SLC6A4: variants seen among roughly 807,000 people sequenced by gnomAD.
The protein encoded by SLC6A4 is solute carrier family 6 member 4.
A neutral mutation model predicts 73.4 loss-of-function variants in SLC6A4; 22 were observed. That is an observed-to-expected ratio of 0.30 (90% CI 0.21 to 0.43). The LOEUF is 0.43. Among genes scored for constraint, SLC6A4 ranks in the 20% least tolerant of loss-of-function variants. The pLI, the probability that SLC6A4 is intolerant of heterozygous loss-of-function variation, is 1.00. For missense variants in SLC6A4, 593 were observed against 808.5 expected (o/e 0.73, Z 3.23); for synonymous variants, 270 against 315.5 (o/e 0.86, Z 1.53).
intron 1 of SLC6A4, among the ~76,000 whole-genome samples, chr17:30,231,409 CTGTA>C (rs1363196806): frequency 2.0e-5 from 3 of 150,886 alleles, no homozygotes; most frequent in South Asian, 2.1e-4. Context: ...CATATATACA[CTGTA>C]TGTATCTGTA....
chr17:30,226,571 G>A (rs1209754266), intron 1 of SLC6A4, among the ~76,000 whole-genome samples: 4 of 152,124 alleles, frequency 2.6e-5, no homozygotes, highest in Non-Finnish European at 4.4e-5. Context: ...GTGGTGGCGG[G>A]TGCCTGTAAT....
intron 1 of SLC6A4, among the ~76,000 whole-genome samples, chr17:30,234,338 T>C (rs1907205413): frequency 6.6e-6 from 1 of 152,102 alleles, no homozygotes; most frequent in Non-Finnish European, 1.5e-5. Context: ...ATCTGTTCTT[T>C]AGTGGGAAAA....
chr17:30,206,712 C>CTTTTTTTT (rs1056871791), intron 13 of SLC6A4, among the ~76,000 whole-genome samples: 17 of 80,290 alleles, frequency 2.1e-4, no homozygotes, highest in African/African-American at 2.6e-4. Flanking sequence ...CTTTTCTTTT[C>CTTTTTTTT]TTTTTTTTTT....
At chr17:30,216,304 G>A (rs1264023662) in intron 6 of SLC6A4, 88 bp from the exon 7 acceptor site, 4 of 288,956 alleles carry the variant, frequency 1.4e-5, no homozygotes, top group Admixed American at 4.8e-5. Context: ...GGAGGGGAGG[G>A]GAGGGGAGGG....
chr17:30,215,961 A>G (rs1482072953), intron 7 of SLC6A4, 121 bp downstream of exon 7: 3 of 897,392 alleles, frequency 3.3e-6, no homozygotes, highest in Non-Finnish European at 5.3e-6. Context: ...TGGTTAAAGT[A>G]TCATTGCAGA....
At chr17:30,222,784 A>G in intron 2 of SLC6A4, 35 bp downstream of exon 2, 1 of 1,304,332 alleles carries the variant, frequency 7.7e-7, no homozygotes, top group Non-Finnish European at 1.0e-6. Flanking sequence ...TGCATTTGCA[A>G]GCCCGACTGG....
At chr17:30,212,675 T>C in intron 9 of SLC6A4, 65 bp downstream of exon 9, 1 of 1,553,942 alleles carries the variant, frequency 6.4e-7, no homozygotes, top group South Asian at 1.1e-5. Context: ...GTTAGATCTT[T>C]ACAAAGATTC....
At chr17:30,208,732 T>C (rs1906287939) in intron 12 of SLC6A4, among the ~76,000 whole-genome samples, 1 of 152,190 alleles carries the variant, frequency 6.6e-6, no homozygotes, top group African/African-American at 2.4e-5. Context: ...CACTCTGTTG[T>C]CCAGACTGGA....
At chr17:30,227,399 A>G (rs530045791) in intron 1 of SLC6A4, among the ~76,000 whole-genome samples, 1 of 152,202 alleles carries the variant, frequency 6.6e-6, no homozygotes, top group African/African-American at 2.4e-5. Context: ...CCACTATCAC[A>G]GCCATCTCCT....
chr17:30,234,484 C>T (rs759474591), intron 1 of SLC6A4, among the ~76,000 whole-genome samples: 4 of 152,174 alleles, frequency 2.6e-5, no homozygotes, highest in Non-Finnish European at 5.9e-5. Context: ...GGCAGGAAAA[C>T]CCGAACCCTG....
chr17:30,220,261 A>G (rs1428738222), intron 3 of SLC6A4, among the ~76,000 whole-genome samples: 1 of 152,202 alleles, frequency 6.6e-6, no homozygotes, highest in Non-Finnish European at 1.5e-5. Flanking sequence ...ATCTGTTGTC[A>G]GAGTTCCCAT....
chr17:30,213,304 T>TTC (rs1432171805), intron 8 of SLC6A4, among the ~76,000 whole-genome samples: 9 of 144,404 alleles, frequency 6.2e-5, no homozygotes, highest in Admixed American at 5.5e-4. Context: ...TTTTTTTTCT[T>TTC]TTTTTTTTTT....
chr17:30,222,459 AC>A (rs1906795940), intron 2 of SLC6A4, among the ~76,000 whole-genome samples: 1 of 152,242 alleles, frequency 6.6e-6, no homozygotes, highest in African/African-American at 2.4e-5. Context: ...GTCACAGAGC[AC>A]CCCCTTTGTC....
chr17:30,219,832 C>T (rs530813294), intron 3 of SLC6A4, among the ~76,000 whole-genome samples: 2 of 152,302 alleles, frequency 1.3e-5, no homozygotes, highest in African/African-American at 2.4e-5. Context: ...GCTCTGAACC[C>T]AGAAACCTGA....
At chr17:30,212,460 C>T (rs1034690389) in intron 9 of SLC6A4, among the ~76,000 whole-genome samples, 1 of 152,186 alleles carries the variant, frequency 6.6e-6, no homozygotes, top group Non-Finnish European at 1.5e-5. Context: ...GATCATGGCT[C>T]ACTGTAGCCT....
At chr17:30,230,087 G>GAAAAAGAAGA in intron 1 of SLC6A4, among the ~76,000 whole-genome samples, 1 of 129,722 alleles carries the variant, frequency 7.7e-6, no homozygotes. Context: ...AGAAGAAGAA[G>GAAAAAGAAGA]AAGAAGAAGA....
chr17:30,218,887 T>A lies in SLC6A4; in HGVS notation c.388A>T (p.Ile130Phe), dbSNP rs756254987. ...GCGAGCTCCATGTAAAAGAGCGGGATTCCCCCAAAAATGGCCATGATGGTG... is the reference window on the plus strand; with the variant it reads ...GCGAGCTCCATGTAAAAGAGCGGGAATCCCCCAAAAATGGCCATGATGGTG... ...PYTIMAIFGG[I>F]PLFYMELALG... Residue 130 changes from isoleucine to phenylalanine, a missense_variant, in exon 4 of 15, where the codon ATC becomes TTC. Physicochemically the swap from Ile to Phe is conservative, Grantham distance 21. Coordinates refer to ENST00000650711, the MANE Select transcript of SLC6A4 (RefSeq NM_001045.6). 6.2e-7 allele frequency: 1 copy of A among 1,614,026 alleles called. No homozygotes were observed. Among genetic ancestry groups the A allele is most frequent in the South Asian group, 1.1e-5 (1 of 91,054 alleles).
intron 10 of SLC6A4, 103 bp from the exon 11 acceptor site, chr17:30,210,749 C>A (rs2143014259): frequency 7.8e-7 from 1 of 1,280,610 alleles, no homozygotes; most frequent in South Asian, 1.5e-5. Context: ...AGTGACTGGT[C>A]AAGCTGATCA....
chr17:30,217,143 T>C (rs1325218443), intron 6 of SLC6A4, 23 bp downstream of exon 6: 1 of 1,609,128 alleles, frequency 6.2e-7, no homozygotes, highest in South Asian at 1.1e-5. Context: ...CAGGCCTGGG[T>C]CAGCAGCCAG....
Sources: gnomAD v4.1 joint callset for allele counts (sites outside exome capture counted in the v4.1 genomes callset) on GRCh38, gnomAD v4.1.1 for gene constraint, MANE v1.5 for transcripts, NCBI Gene and HGNC (gene_info 2026-07-23, HGNC 2026-07-21) for gene names.